GRIK1: variants seen among roughly 807,000 people sequenced by gnomAD.
GRIK1 encodes glutamate receptor ionotropic, kainate 1.
Under a neutral mutation model 105.7 loss-of-function variants are expected in GRIK1, and 69 were observed. The observed-to-expected ratio is 0.65, with a 90% CI of 0.54 to 0.80. GRIK1 has a LOEUF of 0.80. GRIK1 is among the 30% of genes least tolerant of loss of function. GRIK1 has a pLI of 0.00. For synonymous variants in GRIK1, 438 were observed against 431.3 expected, an observed-to-expected ratio of 1.02 and a Z score of -0.19; for missense variants, 1,109 against 1,167.3, an observed-to-expected ratio of 0.95 and a Z score of 0.73.
At chr21:29,740,222 CTTT>C (rs758827283) in intron 1 of GRIK1, among the ~76,000 whole-genome samples, 4 of 143,610 alleles carry the variant, frequency 2.8e-5, no homozygotes, top group Admixed American at 7.0e-5. Context: ...TTTTCCTTTT[CTTT>C]TTTTTTTTTT....
intron 1 of GRIK1, among the ~76,000 whole-genome samples, chr21:29,841,235 T>G (rs920943393): frequency 6.6e-6 from 1 of 152,174 alleles, no homozygotes; most frequent in Non-Finnish European, 1.5e-5. Context: ...CAATATGTCT[T>G]TATTGAATTC....
chr21:29,604,184 G>A (rs1242789592), intron 7 of GRIK1, among the ~76,000 whole-genome samples: 2 of 152,066 alleles, frequency 1.3e-5, no homozygotes, highest in Non-Finnish European at 2.9e-5. Flanking sequence ...TTCCAATCAC[G>A]GCTGCAGAGT....
At chr21:29,641,379 C>T (rs1414981492) in intron 7 of GRIK1, among the ~76,000 whole-genome samples, 2 of 151,830 alleles carry the variant, frequency 1.3e-5, no homozygotes, top group Admixed American at 6.5e-5. Context: ...TTTCTCTTGC[C>T]TGCCACCATG....
intron 1 of GRIK1, among the ~76,000 whole-genome samples, chr21:29,928,978 A>G (rs1170840100): frequency 6.6e-6 from 1 of 152,216 alleles, no homozygotes; most frequent in Non-Finnish European, 1.5e-5. Context: ...GCCAGTTAAC[A>G]TTAATTACAG....
At chr21:29,797,658 A>C (rs988916987) in intron 1 of GRIK1, among the ~76,000 whole-genome samples, 20 of 152,240 alleles carry the variant, frequency 1.3e-4, no homozygotes, top group African/African-American at 4.3e-4. Context: ...TTGAATTTGC[A>C]AGGATAGTAG....
chr21:29,650,344 C>T (rs959197856), intron 6 of GRIK1, among the ~76,000 whole-genome samples: 5 of 152,172 alleles, frequency 3.3e-5, no homozygotes, highest in African/African-American at 1.2e-4. Flanking sequence ...TTTTAAAATG[C>T]TATTACCTGC....
At chr21:29,645,425 G>T (rs1042909259) in intron 6 of GRIK1, among the ~76,000 whole-genome samples, 1 of 152,142 alleles carries the variant, frequency 6.6e-6, no homozygotes, top group African/African-American at 2.4e-5. Flanking sequence ...TATAAGGACT[G>T]GAATTCTAAT....
chr21:29,856,369 G>A (rs1471552671), intron 1 of GRIK1, among the ~76,000 whole-genome samples: 1 of 152,112 alleles, frequency 6.6e-6, no homozygotes, highest in Non-Finnish European at 1.5e-5. Flanking sequence ...ACTTTGAGGA[G>A]TCAAGAGAAA....
At chr21:29,812,912 A>G (rs2067050132) in intron 1 of GRIK1, among the ~76,000 whole-genome samples, 1 of 152,188 alleles carries the variant, frequency 6.6e-6, no homozygotes, top group South Asian at 2.1e-4. Context: ...AACCGAGTAT[A>G]CAAACATAAT....
chr21:29,596,539 T>TGTATAAAGTGTGGAATAAAGTGTG lies in GRIK1; in HGVS notation c.1237_1238insCACACTTTATTCCACACTTTATAC (p.Lys413delinsThrHisPheIleProHisPheIleGln). ...CAGAGTACAAACCTTCTTCCACACT[T>TGTATAAAGTGTGGAATAAAGTGTG]TATACAAGTGTTTAGACACTTCGCC... On this transcript the variant is annotated protein_altering_variant, in exon 9 of 18. Coordinates refer to ENST00000327783, the MANE Select transcript of GRIK1 (RefSeq NM_001330994.2). 6.2e-7 allele frequency: 1 copy of TGTATAAAGTGTGGAATAAAGTGTG among 1,609,676 alleles called. No homozygotes were observed. The highest frequency in any genetic ancestry group is 8.5e-7 in the Non-Finnish European group (1 of 1,176,028).
intron 1 of GRIK1, among the ~76,000 whole-genome samples, chr21:29,916,116 T>TTTTCTTTGAAAAGTTATCTAG (rs148798620): frequency 0.22 from 33,361 of 151,762 alleles, 4,195 homozygotes; most frequent in African/African-American, 0.34. Flanking sequence ...ATCTAGTTTC[T>TTTTCTTTGAAAAGTTATCTAG]TTTCTTTGAA....
chr21:29,720,527 T>C (rs963092854), intron 1 of GRIK1, among the ~76,000 whole-genome samples: 3 of 152,080 alleles, frequency 2.0e-5, no homozygotes, highest in Admixed American at 6.6e-5. Flanking sequence ...TGCGTGTGTG[T>C]ATATGTGTGT....
intron 1 of GRIK1, among the ~76,000 whole-genome samples, chr21:29,725,365 G>A (rs2064431361): frequency 6.6e-6 from 1 of 152,140 alleles, no homozygotes; most frequent in South Asian, 2.1e-4. Context: ...AAACTTTCAG[G>A]TGTCTTCCTT....
chr21:29,822,606 C>T (rs2067335738), intron 1 of GRIK1, among the ~76,000 whole-genome samples: 1 of 151,980 alleles, frequency 6.6e-6, no homozygotes, highest in African/African-American at 2.4e-5. Flanking sequence ...TGCACATCTT[C>T]TAGGAATTAT....
At position 29,848,775 on chromosome 21, in the gene GRIK1, A is replaced by AT. The variant is rs1377759637; in HGVS notation, c.118+90607dup. On this transcript the variant is annotated intron_variant, in intron 1 of 17. Transcript: ENST00000327783. Reference sequence around the variant, plus strand: ...TGTGTGTATATATATATATATATATATATATTTTTTTTTTTTTCCACGATC... The same window carrying AT: ...TGTGTGTATATATATATATATATATATTATATTTTTTTTTTTTTCCACGATC... Among the ~76,000 whole-genome samples the AT allele has an allele frequency of 6.6e-3, 592 of 90,068 alleles. 7 individuals are homozygous for AT. The highest frequency in any genetic ancestry group is 0.018 in the African/African-American group (271 of 15,208). The allele number at this position is 90,068 out of a possible 152,430, so 59.1% of individuals were successfully genotyped here.
intron 1 of GRIK1, among the ~76,000 whole-genome samples, chr21:29,751,031 G>C (rs1030637141): frequency 6.6e-6 from 1 of 152,120 alleles, no homozygotes; most frequent in Non-Finnish European, 1.5e-5. Context: ...AGGGACAGGG[G>C]TCACAAGGTG....
At position 29,939,451 on chromosome 21, in the gene GRIK1, G is replaced by A. The variant is rs756292525; in HGVS notation, c.50C>T (p.Thr17Ile). ...GAGGAAATAGAGGAGTGCCCAGCTG[G>A]TGTCCCTGGTCCAGAGCCCGGGCTG... ...LAQPGLWTRD[T>I]SWALLYFLCY... The change falls in exon 1 of 18, where the codon ACC (threonine) becomes ATC (isoleucine). Residue 17 changes from threonine to isoleucine, a missense_variant. Transcript: ENST00000327783. The A allele has an allele frequency of 3.1e-5, 49 of 1,602,136 alleles. No individual in the cohort carries two copies. The highest frequency in any genetic ancestry group is 5.6e-5 in the South Asian group (5 of 89,472).
intron 1 of GRIK1, among the ~76,000 whole-genome samples, chr21:29,886,757 T>C (rs1216048587): frequency 5.3e-5 from 8 of 152,290 alleles, no homozygotes; most frequent in Middle Eastern, 3.4e-3. Flanking sequence ...CTAGGCAAAT[T>C]TGACAGCCAA....
At chr21:29,783,713 A>G (rs2145790570) in intron 1 of GRIK1, among the ~76,000 whole-genome samples, 1 of 152,204 alleles carries the variant, frequency 6.6e-6, no homozygotes, top group Middle Eastern at 3.4e-3. Context: ...ACTATATTTT[A>G]TGTATACTTA....
Sources: gnomAD v4.1 joint callset for allele counts (sites outside exome capture counted in the v4.1 genomes callset) on GRCh38, gnomAD v4.1.1 for gene constraint, MANE v1.5 for transcripts, NCBI Gene and HGNC (gene_info 2026-07-23, HGNC 2026-07-21) for gene names.